The following GAK variants were observed in gnomAD, a reference collection of about 807,000 sequenced individuals.
GAK encodes the protein cyclin G associated kinase, also known as cyclin-G-associated kinase.
GAK carries 79 observed loss-of-function variants against 143.9 expected under a neutral mutation model. The ratio of observed to expected loss-of-function variants is 0.55; its 90% CI spans 0.46 to 0.66. GAK has a LOEUF of 0.66. GAK is among the 30% of genes least tolerant of loss of function. The pLI is 0.00. For missense variants in GAK, 1,693 were observed against 1,779.7 expected, an observed-to-expected ratio of 0.95 and a Z score of 0.88; for synonymous variants, 881 against 765.5, an observed-to-expected ratio of 1.15 and a Z score of -2.49.
rs907858256 is a variant in GAK at position 877,036 on chromosome 4, C to A, written c.1974+54G>T. The A allele has an allele frequency of 1.1e-4, 137 of 1,267,352 alleles. No homozygotes were observed. The South Asian group carries it at 1.2e-3, about 11-fold the overall frequency. The allele number at this position is 1,267,352 out of a possible 1,614,324, so 78.5% of individuals were successfully genotyped here. On this transcript the variant is annotated intron_variant, in intron 17 of 27. Coordinates refer to ENST00000314167, the MANE Select transcript of GAK (RefSeq NM_005255.4). ...GTGAGCGCACTGTGGCCCCCAGCCC[C>A]CCATGAGCCTAGGCGTGAGTGGGGA...
At chr4:919,497 C>T (rs1163944066) in intron 1 of GAK, among the ~76,000 whole-genome samples, 1 of 152,250 alleles carries the variant, frequency 6.6e-6, no homozygotes, top group East Asian at 1.9e-4. Context: ...TCCAAGCCAC[C>T]ACATTGACAC....
chr4:929,482 A>G (rs1419837141), intron 1 of GAK, among the ~76,000 whole-genome samples: 1 of 152,190 alleles, frequency 6.6e-6, no homozygotes, highest in Non-Finnish European at 1.5e-5. Flanking sequence ...CGCAGAACCC[A>G]AAACAAAGAA....
intron 23 of GAK, 135 bp downstream of exon 23, chr4:864,987 G>C (rs1243866923): frequency 5.7e-6 from 7 of 1,234,646 alleles, no homozygotes; most frequent in Non-Finnish European, 7.7e-6. Flanking sequence ...TGCGGAGCCC[G>C]CACCACCAAG....
intron 5 of GAK, among the ~76,000 whole-genome samples, chr4:900,301 T>G (rs1218836650): frequency 1.3e-5 from 2 of 152,214 alleles, no homozygotes. Context: ...CCACGTGTGC[T>G]GCCTGCCCCT....
intron 2 of GAK, among the ~76,000 whole-genome samples, chr4:913,095 G>A (rs1399208946): frequency 6.6e-6 from 1 of 151,908 alleles, no homozygotes; most frequent in Non-Finnish European, 1.5e-5. Context: ...CAGACACGGG[G>A]GCAGCAGGCG....
chr4:871,801 C>T (rs180885745), intron 18 of GAK, among the ~76,000 whole-genome samples: 15 of 152,248 alleles, frequency 9.9e-5, no homozygotes, highest in African/African-American at 3.6e-4. Context: ...CCACAGCTCT[C>T]TAAGGAATTC....
At chr4:896,622 G>A in intron 6 of GAK, 73 bp from the exon 7 acceptor site, 5 of 1,177,498 alleles carry the variant, frequency 4.2e-6, no homozygotes, top group African/African-American at 1.5e-5. Context: ...CACCACTTCC[G>A]TGCAGCTTTC....
At chr4:868,945 A>G (rs1239886083) in intron 19 of GAK, 2 of 494,140 alleles carry the variant, frequency 4.0e-6, no homozygotes, top group Non-Finnish European at 7.4e-6. Context: ...CCCACCACTG[A>G]GGCATCAAAC....
Position 888,780 on chromosome 4 carries a change from C to G in GAK, c.1205+67G>C, listed in dbSNP as rs542261527. On this transcript the variant is annotated intron_variant, in intron 11 of 27. Transcript: ENST00000314167. ...CAGCTGTTCCACCGCAGCCAGGAAG[C>G]AAGGGCCGGGGCTGCAGCCTGGAAC... The G allele has an allele frequency of 9.5e-5, 147 of 1,539,272 alleles. 1 individual carries two copies. In the Middle Eastern group the frequency reaches 6.8e-3, roughly 71 times the overall value.
At chr4:868,088 G>C (rs910583193) in intron 20 of GAK, among the ~76,000 whole-genome samples, 1 of 152,212 alleles carries the variant, frequency 6.6e-6, no homozygotes, top group Non-Finnish European at 1.5e-5. Context: ...GGTGTGTCTG[G>C]GGTGAGGTCC....
In GAK at chr4:851,959, A is replaced by G; in HGVS notation, c.3299T>C (p.Phe1100Ser). 1 of 1,613,730 alleles carries G rather than the reference A, an allele frequency of 6.2e-7. No individual in the cohort carries two copies. Among genetic ancestry groups the G allele is most frequent in the South Asian group, 1.1e-5 (1 of 91,048 alleles). ...SSGLQGSPAG[F>S]PPGGFIPKTA... ...TTTGGGAATGAAGCCCCCAGGAGGG[A>G]ATCCAGCTGGTGAGCCTGTGGAGAT... Residue 1100 changes from phenylalanine (F) to serine (S), a missense_variant, in exon 25 of 28, where the codon TTC becomes TCC. Physicochemically the swap from Phe to Ser is radical, Grantham distance 155. Coordinates refer to ENST00000314167, the MANE Select transcript of GAK (RefSeq NM_005255.4).
rs1717753689 is a variant in GAK, at chr4:891,932, G to A, written c.991-1310C>T. 2.6e-5 allele frequency among the ~76,000 whole-genome samples: 4 copies of A among 152,262 alleles called. No individual in the cohort carries two copies. The South Asian group carries it at 8.3e-4, about 32-fold the overall frequency. Reference sequence around the variant, plus strand: ...CTCAGAGCGCCCCACACCTCAAAATGCTTCCAGCACCCAGCACCAGGGCTC... The same window carrying A: ...CTCAGAGCGCCCCACACCTCAAAATACTTCCAGCACCCAGCACCAGGGCTC... On this transcript the variant is annotated intron_variant, in intron 9 of 27. Transcript: ENST00000314167.
At chr4:883,788 T>C (rs1715662682) in intron 12 of GAK, among the ~76,000 whole-genome samples, 1 of 152,204 alleles carries the variant, frequency 6.6e-6, no homozygotes, top group South Asian at 2.1e-4. Flanking sequence ...GACACGGCCT[T>C]GTGTTGTTCC....
At chr4:863,986 G>A (rs1453044773) in intron 23 of GAK, among the ~76,000 whole-genome samples, 1 of 152,138 alleles carries the variant, frequency 6.6e-6, no homozygotes, top group African/African-American at 2.4e-5. Context: ...TTGCACCACT[G>A]CGCTCCACAG....
chr4:932,313 G>T lies in GAK; in HGVS notation c.-126C>A. 1 of 1,375,162 alleles carries T rather than the reference G, an allele frequency of 7.3e-7. No individual in the cohort carries two copies. Among genetic ancestry groups the T allele is most frequent in the Non-Finnish European group, 9.3e-7 (1 of 1,070,828 alleles). The allele number at this position is 1,375,162 out of a possible 1,614,324, so 85.2% of individuals were successfully genotyped here. A position where few individuals can be genotyped will look rare whatever the true frequency, so the allele number is the denominator to read the frequency against. ...GCACCATCTTCCGCCTCGACGCCGT[G>T]ACGTAGGCGCCCGTGAGGACGCGTC... is the stretch of plus-strand genomic sequence containing the variant. On this transcript the variant is annotated 5_prime_UTR_variant, in exon 1 of 28. Transcript: ENST00000314167. This position sits in a 1 kb window ranked among gnomAD's most constrained non-coding sequence, Gnocchi z 4.0.
chr4:864,482 C>T (rs1750797966), intron 23 of GAK, among the ~76,000 whole-genome samples: 1 of 152,318 alleles, frequency 6.6e-6, no homozygotes, highest in Middle Eastern at 3.4e-3. Context: ...TGGAAGCAAA[C>T]CCGCGACATC....
At chr4:906,139 A>G (rs1378001157) in intron 4 of GAK, among the ~76,000 whole-genome samples, 1 of 152,160 alleles carries the variant, frequency 6.6e-6, no homozygotes, top group Non-Finnish European at 1.5e-5. Context: ...CGAGGTGGCA[A>G]GCCATTAACG....
intron 18 of GAK, among the ~76,000 whole-genome samples, chr4:873,714 G>A (rs888834279): frequency 5.3e-5 from 8 of 152,186 alleles, no homozygotes; most frequent in African/African-American, 1.9e-4. Flanking sequence ...CCTTCTTCCT[G>A]TTATGGTCTG....
At position 926,504 on chromosome 4, in the gene GAK, G is replaced by A. The variant is rs575916686; in HGVS notation, c.145+5539C>T. ...TGCAAACGTCACTTTTCTCTTCTGC[G>A]AGATGGAAGTAATTATAGTACCCAC... On this transcript the variant is annotated intron_variant, in intron 1 of 27. Coordinates refer to ENST00000314167, the MANE Select transcript of GAK (RefSeq NM_005255.4). Among the ~76,000 whole-genome samples, 5 of 152,324 alleles carry A rather than the reference G, an allele frequency of 3.3e-5. No homozygotes were observed. The East Asian group carries it at 5.8e-4, about 18-fold the overall frequency.
Sources: gnomAD v4.1 joint callset for allele counts (sites outside exome capture counted in the v4.1 genomes callset) on GRCh38, gnomAD v4.1.1 for gene constraint, Gnocchi (gnomAD v3.1) non-coding constraint, MANE v1.5 for transcripts, NCBI Gene and HGNC (gene_info 2026-07-23, HGNC 2026-07-21) for gene names.